PREX2: variants seen among roughly 807,000 people sequenced by gnomAD.
The protein encoded by PREX2 is phosphatidylinositol 3,4,5-trisphosphate-dependent Rac exchanger 2 protein.
PREX2 carries 107 observed loss-of-function variants against 203.2 expected under a neutral mutation model. That is an observed-to-expected ratio of 0.53 (90% CI 0.45 to 0.62). PREX2 has a LOEUF of 0.62. Among genes scored for constraint, PREX2 ranks in the 20% least tolerant of loss-of-function variants. The probability of loss-of-function intolerance (pLI) is 0.00; values close to 1 mark genes in which losing one functional copy is unlikely to be tolerated. For missense variants in PREX2, 1,777 were observed against 1,955.9 expected (o/e 0.91, Z 1.72); for synonymous variants, 672 against 663.6 (o/e 1.01, Z -0.19).
chr8:68,043,040 C>A (rs905915751), intron 7 of PREX2, among the ~76,000 whole-genome samples: 2 of 152,024 alleles, frequency 1.3e-5, no homozygotes, highest in African/African-American at 2.4e-5. Flanking sequence ...ACAAGAAATT[C>A]TATTTTTCAA....
Position 68,108,116 on chromosome 8 carries a change from G to A in PREX2, c.2723G>A (p.Arg908His), listed in dbSNP as rs201443824. The change falls in exon 24 of 40, where the codon CGT (arginine) becomes CAT (histidine). Residue 908 changes from arginine to histidine, a missense_variant. Arg to His is a conservative substitution (Grantham distance 29, BLOSUM62 0). Coordinates refer to ENST00000288368, the MANE Select transcript of PREX2 (RefSeq NM_024870.4). Reference protein sequence around the residue: ...QRISSYKKFSRVLKNRAWPTF... With the variant: ...QRISSYKKFSHVLKNRAWPTF... ...GTTTTCTTTAATTTGCAGTTTTCTCGTGTACTGAAGAATAGGGCCTGGCCT... is the reference window on the plus strand; with the variant it reads ...GTTTTCTTTAATTTGCAGTTTTCTCATGTACTGAAGAATAGGGCCTGGCCT... 9.3e-5 allele frequency: 150 copies of A among 1,609,030 alleles called. No individual in the cohort carries two copies. Among genetic ancestry groups the A allele is most frequent in the Middle Eastern group, 1.6e-4 (1 of 6,064 alleles).
intron 34 of PREX2, among the ~76,000 whole-genome samples, chr8:68,154,608 G>A (rs1026875611): frequency 1.3e-5 from 2 of 152,176 alleles, no homozygotes; most frequent in African/African-American, 4.8e-5. Context: ...ATTTTATCAG[G>A]GAGAGTTTCT....
chr8:68,045,376 T>C (rs1224032787), intron 8 of PREX2, among the ~76,000 whole-genome samples: 1 of 152,094 alleles, frequency 6.6e-6, no homozygotes, highest in Non-Finnish European at 1.5e-5. Context: ...TTAGTGATAT[T>C]CGTTATACAT....
intron 18 of PREX2, among the ~76,000 whole-genome samples, chr8:68,086,190 C>T (rs536234893): frequency 6.6e-6 from 1 of 152,298 alleles, no homozygotes; most frequent in African/African-American, 2.4e-5. Flanking sequence ...CAGATAACTT[C>T]ATAGTGTATA....
intron 35 of PREX2, among the ~76,000 whole-genome samples, chr8:68,162,379 T>C (rs1049259049): frequency 6.6e-6 from 1 of 152,180 alleles, no homozygotes; most frequent in African/African-American, 2.4e-5. Flanking sequence ...AGTATATAAA[T>C]GTGAATTTAT....
intron 1 of PREX2, among the ~76,000 whole-genome samples, chr8:67,955,170 A>AAAAAAAAAAAT (rs1554556251): frequency 3.6e-5 from 5 of 139,408 alleles, no homozygotes; most frequent in African/African-American, 8.2e-5. Context: ...AAAAAAAAAA[A>AAAAAAAAAAAT]AGAAATCATA....
chr8:68,169,509 C>A (rs1432186441), intron 35 of PREX2, among the ~76,000 whole-genome samples: 1 of 152,046 alleles, frequency 6.6e-6, no homozygotes, highest in African/African-American at 2.4e-5. Context: ...AAAAAGATAA[C>A]CACAATACCT....
Position 68,157,329 on chromosome 8 carries a change from G to A in PREX2, c.4239G>A (p.Glu1413=), listed in dbSNP as rs772095077. ...GTTTACTTGTTTACACAGCACTAGA[G>A]AGCATGGAAGGATATTATTACAGAG... ...IHPVLFAQAL[E]SMEGYYYRDN... is the part of the protein sequence containing the mutation. Residue 1413 remains glutamate, a synonymous_variant, in exon 35 of 40, where the codon GAG becomes GAA. Coordinates refer to ENST00000288368, the MANE Select transcript of PREX2 (RefSeq NM_024870.4). The A allele has an allele frequency of 6.9e-6, 11 of 1,588,046 alleles. No homozygotes were observed. In the South Asian group the frequency reaches 7.7e-5, roughly 11 times the overall value.
chr8:68,043,395 T>C (rs1808254206), intron 7 of PREX2, among the ~76,000 whole-genome samples: 1 of 151,842 alleles, frequency 6.6e-6, no homozygotes, highest in Admixed American at 6.6e-5. Context: ...TATGCAATTT[T>C]TTTCCAAGGA....
chr8:68,114,179 A>G (rs1446523753), intron 25 of PREX2: 1 of 306,036 alleles, frequency 3.3e-6, no homozygotes, highest in Non-Finnish European at 6.9e-6. Context: ...GTGTTTTATA[A>G]ACTACTATAT....
chr8:68,224,486 A>C, intron 38 of PREX2, 73 bp from the exon 39 acceptor site: 1 of 1,154,850 alleles, frequency 8.7e-7, no homozygotes. Flanking sequence ...AGTATCCTAC[A>C]CACAAATGTT....
intron 1 of PREX2, 126 bp downstream of exon 1, chr8:67,952,661 C>T: frequency 7.5e-7 from 1 of 1,330,012 alleles, no homozygotes; most frequent in Non-Finnish European, 1.1e-6. Flanking sequence ...GCATCACAGG[C>T]GCGGGAATCC....
At chr8:67,955,657 ACATACCAC>A (rs1315901914) in intron 1 of PREX2, among the ~76,000 whole-genome samples, 10 of 152,334 alleles carry the variant, frequency 6.6e-5, no homozygotes, top group Admixed American at 5.9e-4. Flanking sequence ...GAGGACAGGG[ACATACCAC>A]CTTGTGTGCC....
intron 35 of PREX2, among the ~76,000 whole-genome samples, chr8:68,185,695 C>T (rs1289676084): frequency 2.7e-5 from 4 of 149,614 alleles, no homozygotes; most frequent in Non-Finnish European, 5.9e-5. Flanking sequence ...TACCACCTCT[C>T]TCATTGGTAT....
chr8:67,966,147 T>A (rs1268084464), intron 1 of PREX2, among the ~76,000 whole-genome samples: 2 of 152,206 alleles, frequency 1.3e-5, no homozygotes, highest in Non-Finnish European at 2.9e-5. Context: ...TTTCTATAGA[T>A]GAGGATTTGG....
At chr8:68,087,990 A>C (rs568196039) in intron 19 of PREX2, among the ~76,000 whole-genome samples, 181 bp downstream of exon 19, 1 of 152,222 alleles carries the variant, frequency 6.6e-6, no homozygotes, top group Non-Finnish European at 1.5e-5. Flanking sequence ...ATTCTAAGCC[A>C]TATTTATCAT....
At chr8:67,990,498 T>C (rs1471693205) in intron 1 of PREX2, among the ~76,000 whole-genome samples, 4 of 102,228 alleles carry the variant, frequency 3.9e-5, no homozygotes, top group Non-Finnish European at 7.6e-5. Flanking sequence ...TCCCAGGTGG[T>C]TTTTTTTTTT....
chr8:68,013,317 C>T (rs1051262865), intron 1 of PREX2, among the ~76,000 whole-genome samples: 2 of 152,158 alleles, frequency 1.3e-5, no homozygotes, highest in Non-Finnish European at 2.9e-5. Context: ...TATGCTTTCC[C>T]TAAGTTACAT....
chr8:68,042,431 T>G (rs1303247531), intron 7 of PREX2, among the ~76,000 whole-genome samples: 4 of 152,096 alleles, frequency 2.6e-5, no homozygotes, highest in Non-Finnish European at 5.9e-5. Context: ...TTCTTGCAAT[T>G]TATAATTTGT....
Sources: allele counts gnomAD v4.1 joint callset (sites outside exome capture counted in the v4.1 genomes callset), GRCh38; gene constraint gnomAD v4.1.1; transcripts MANE v1.5; gene names NCBI Gene and HGNC (gene_info 2026-07-23, HGNC 2026-07-21).